The following TRAPPC10 variants were observed in gnomAD, a reference collection of about 807,000 sequenced individuals.
TRAPPC10 encodes the protein trafficking protein particle complex subunit 10, also known as TRAPP 130 kDa subunit.
TRAPPC10 carries 23 observed loss-of-function variants against 125.5 expected under a neutral mutation model. The ratio of observed to expected loss-of-function variants is 0.18; its 90% CI spans 0.13 to 0.26. The LOEUF is 0.26. Ranked by LOEUF, TRAPPC10 falls within the 10% of genes least tolerant of loss-of-function variation. TRAPPC10 has a pLI of 1.00. For synonymous variants in TRAPPC10, 509 were observed against 518.0 expected (o/e 0.98, Z 0.24); for missense variants, 1,123 against 1,308.4 (o/e 0.86, Z 2.19).
At chr21:44,055,245 GCCTTTTCCTAA>G (rs2035495732) in intron 4 of TRAPPC10, among the ~76,000 whole-genome samples, 1 of 152,072 alleles carries the variant, frequency 6.6e-6, no homozygotes, top group Admixed American at 6.5e-5. Flanking sequence ...TCATGATGAA[GCCTTTTCCTAA>G]CCTGGTTTCT....
Position 44,012,471 on chromosome 21 carries a change from C to A in TRAPPC10, c.-23C>A, listed in dbSNP as rs1316447996. ...GGGCTGCCCATGGGGCGCGGGGGGC[C>A]GGGCCGGTGACGCCGGACGCCCATG... On this transcript the variant is annotated 5_prime_UTR_variant, in exon 1 of 23. Coordinates refer to ENST00000291574, the MANE Select transcript of TRAPPC10 (RefSeq NM_003274.5). 6.9e-7 allele frequency: 1 copy of A among 1,451,336 alleles called. No individual in the cohort carries two copies. Among genetic ancestry groups the A allele is most frequent in the Non-Finnish European group, 9.2e-7 (1 of 1,090,490 alleles). The allele number at this position is 1,451,336 out of a possible 1,614,324, so 89.9% of individuals were successfully genotyped here. A position where few individuals can be genotyped will look rare whatever the true frequency, so the allele number is the denominator to read the frequency against.
intron 3 of TRAPPC10, among the ~76,000 whole-genome samples, chr21:44,038,350 C>T (rs1475646083): frequency 6.6e-6 from 1 of 152,016 alleles, no homozygotes; most frequent in East Asian, 1.9e-4. Flanking sequence ...TGTGTTTGAT[C>T]ATGACTTTCA....
intron 1 of TRAPPC10, among the ~76,000 whole-genome samples, chr21:44,018,891 A>G (rs751758985): frequency 6.6e-6 from 1 of 152,084 alleles, no homozygotes; most frequent in Non-Finnish European, 1.5e-5. Context: ...GTTTGTTGCC[A>G]GTTGACAGAG....
At chr21:44,033,735 C>T (rs2238710) in intron 2 of TRAPPC10, among the ~76,000 whole-genome samples, 50,951 of 151,936 alleles carry the variant, frequency 0.34, 12,708 homozygotes, top group African/African-American at 0.7. Flanking sequence ...TGGTGGTGCA[C>T]GCCTGTAGTC....
intron 7 of TRAPPC10, among the ~76,000 whole-genome samples, chr21:44,073,526 CT>C (rs980296077): frequency 6.7e-6 from 1 of 150,068 alleles, no homozygotes; most frequent in Non-Finnish European, 1.5e-5. Context: ...ATAGTGTTTT[CT>C]TTTTTTTGTT....
At position 44,063,947 on chromosome 21, in the gene TRAPPC10, T is replaced by C. The variant is rs1456042836; in HGVS notation, c.1038+162T>C. 1.3e-5 allele frequency among the ~76,000 whole-genome samples: 2 copies of C among 152,228 alleles called. No homozygotes were observed. The highest frequency in any genetic ancestry group is 2.9e-5 in the Non-Finnish European group (2 of 68,042). On this transcript the variant is annotated intron_variant, in intron 7 of 22. Coordinates refer to ENST00000291574, the MANE Select transcript of TRAPPC10 (RefSeq NM_003274.5). The surrounding 1 kb of genome is among the most constrained non-coding windows in gnomAD (Gnocchi z 4.4). ...ATTGTTTGCTTAGTTACTTTTTACG[T>C]TGATAAATTGCTCAAAAATAGAACT... is the stretch of plus-strand genomic sequence containing the variant.
At chr21:44,085,005 G>C (rs895937312) in intron 15 of TRAPPC10, among the ~76,000 whole-genome samples, 1 of 152,214 alleles carries the variant, frequency 6.6e-6, no homozygotes, top group African/African-American at 2.4e-5. Flanking sequence ...AAGCTCTCCA[G>C]ACCCTGTCCT....
At chr21:44,074,187 C>A in intron 7 of TRAPPC10, 137 bp from the exon 8 acceptor site, 1 of 975,844 alleles carries the variant, frequency 1.0e-6, no homozygotes, top group Non-Finnish European at 1.5e-6. Flanking sequence ...TGTAGCTCTG[C>A]ATATCACAGA....
intron 6 of TRAPPC10, among the ~76,000 whole-genome samples, chr21:44,060,559 A>T (rs1247972137): frequency 1.3e-5 from 2 of 151,882 alleles, no homozygotes; most frequent in Non-Finnish European, 2.9e-5. Flanking sequence ...TGCAGGTGTG[A>T]GCCACCATGC....
chr21:44,076,145 A>G (rs2037264987), intron 9 of TRAPPC10, among the ~76,000 whole-genome samples: 1 of 152,214 alleles, frequency 6.6e-6, no homozygotes, highest in African/African-American at 2.4e-5. Context: ...ATTTAGCAAG[A>G]CTGTTGCTAA....
At chr21:44,058,299 A>G (rs1472873928) in intron 5 of TRAPPC10, among the ~76,000 whole-genome samples, 1 of 151,554 alleles carries the variant, frequency 6.6e-6, no homozygotes, top group African/African-American at 2.4e-5. Context: ...GGAGTGGGGC[A>G]GCGCACAGGT....
chr21:44,094,370 G>T (rs2038787208), intron 20 of TRAPPC10, 137 bp downstream of exon 20: 1 of 858,538 alleles, frequency 1.2e-6, no homozygotes, highest in Non-Finnish European at 1.8e-6. Flanking sequence ...AGTTGTTGGG[G>T]TAGTTGAATC....
rs140131618 is a variant in TRAPPC10, at chr21:44,077,503, T to A, written c.1378-190T>A. Among the ~76,000 whole-genome samples, 459 of 152,288 alleles carry A rather than the reference T, an allele frequency of 3.0e-3. 5 individuals carry two copies. The highest frequency in any genetic ancestry group is 0.01 in the African/African-American group (424 of 41,556). ...GGGAAGCTGAGGCACAAGAATCACT[T>A]CAACCTATGAGGCGGAGGTTGCAGT... On this transcript the variant is annotated intron_variant, in intron 10 of 22. Transcript: ENST00000291574.
intron 20 of TRAPPC10, among the ~76,000 whole-genome samples, chr21:44,094,784 T>C (rs2038815185): frequency 6.7e-6 from 1 of 150,254 alleles, no homozygotes; most frequent in African/African-American, 2.5e-5. Context: ...ATGATTTGAC[T>C]TAATGTTTTG....
chr21:44,045,100 C>G (rs540428452), intron 3 of TRAPPC10, among the ~76,000 whole-genome samples: 17 of 151,880 alleles, frequency 1.1e-4, no homozygotes, highest in Non-Finnish European at 2.5e-4. Context: ...ACACCCAGCT[C>G]ATTTTTGTAT....
chr21:44,047,728 T>C (rs978333641), intron 3 of TRAPPC10, among the ~76,000 whole-genome samples: 1 of 152,240 alleles, frequency 6.6e-6, no homozygotes, highest in African/African-American at 2.4e-5. Context: ...TCATTCCACT[T>C]AGCATATTTT....
In TRAPPC10 at chr21:44,037,841, C is replaced by A; in HGVS notation, c.199C>A (p.Gln67Lys). Residue 67 changes from glutamine to lysine, a missense_variant, in exon 3 of 23, where the codon CAA becomes AAA. Transcript: ENST00000291574. ...GATTCACCTAGAGTCTAACTTTGTT[C>A]AATTCAAAGAGGAGCTGCTGCCCAA... Reference protein sequence around the residue: ...KMIHLESNFVQFKEELLPKEG... With the variant: ...KMIHLESNFVKFKEELLPKEG... The A allele has an allele frequency of 6.2e-7, 1 of 1,614,140 alleles. No individual in the cohort carries two copies. The highest frequency in any genetic ancestry group is 8.5e-7 in the Non-Finnish European group (1 of 1,180,036).
At chr21:44,054,613 C>T (rs949298135) in intron 4 of TRAPPC10, among the ~76,000 whole-genome samples, 3 of 152,194 alleles carry the variant, frequency 2.0e-5, no homozygotes, top group African/African-American at 4.8e-5. Flanking sequence ...CAGATAAATA[C>T]GTTGCCTTGT....
intron 18 of TRAPPC10, among the ~76,000 whole-genome samples, chr21:44,090,835 G>C (rs1601829851): frequency 6.6e-6 from 1 of 152,168 alleles, no homozygotes; most frequent in African/African-American, 2.4e-5. Context: ...TCAAATCACA[G>C]CAAAGGGAAC....
Sources: gnomAD v4.1 joint callset for allele counts (sites outside exome capture counted in the v4.1 genomes callset) on GRCh38, gnomAD v4.1.1 for gene constraint, Gnocchi (gnomAD v3.1) non-coding constraint, MANE v1.5 for transcripts, NCBI Gene and HGNC (gene_info 2026-07-23, HGNC 2026-07-21) for gene names.